Variants in MAGI1 observed in about 807,000 individuals in gnomAD.
MAGI1 encodes membrane associated guanylate kinase, WW and PDZ domain containing 1.
MAGI1 carries 58 observed loss-of-function variants against 139.9 expected under a neutral mutation model. The ratio of observed to expected loss-of-function variants is 0.41; its 90% CI spans 0.34 to 0.52. The LOEUF (loss-of-function observed/expected upper bound fraction) is 0.52. Among genes scored for constraint, MAGI1 ranks in the 20% least tolerant of loss-of-function variants. MAGI1 has a pLI of 0.12. For missense variants in MAGI1, 1,874 were observed against 1,901.6 expected (o/e 0.99, Z 0.27); for synonymous variants, 812 against 737.9 (o/e 1.10, Z -1.63).
intron 2 of MAGI1, among the ~76,000 whole-genome samples, chr3:65,525,192 TA>T: frequency 6.6e-6 from 1 of 152,228 alleles, no homozygotes; most frequent in East Asian, 1.9e-4. Flanking sequence ...CAGACACTAC[TA>T]TCCCACTGCA....
chr3:65,631,947 C>T (rs1303210427), intron 1 of MAGI1, among the ~76,000 whole-genome samples: 2 of 151,860 alleles, frequency 1.3e-5, no homozygotes, highest in African/African-American at 2.4e-5. Context: ...ATTGCTTGAA[C>T]CCAGGAGGCA....
chr3:65,941,310 G>A (rs1189355895), intron 1 of MAGI1, among the ~76,000 whole-genome samples: 1 of 151,306 alleles, frequency 6.6e-6, no homozygotes, highest in East Asian at 1.9e-4. Context: ...TTGAGCCACT[G>A]CACTCCAGCC....
In MAGI1 at chr3:65,924,722, C is replaced by T. The variant is rs575315406; in HGVS notation, c.313+113274G>A. 2.0e-5 allele frequency among the ~76,000 whole-genome samples: 3 copies of T among 152,252 alleles called. No homozygotes were observed. In the East Asian group the frequency reaches 5.8e-4, roughly 29 times the overall value. On this transcript the variant is annotated intron_variant, in intron 1 of 22. Coordinates refer to ENST00000402939, the MANE Select transcript of MAGI1 (RefSeq NM_001033057.2). Reference sequence around the variant, plus strand: ...AGGAAACCCCACATCCCACACTGCCCCTCGCTGCTCCATGCTTCAGTTTTC... The same window carrying T: ...AGGAAACCCCACATCCCACACTGCCTCTCGCTGCTCCATGCTTCAGTTTTC...
At chr3:65,708,643 G>A (rs1021276492) in intron 1 of MAGI1, among the ~76,000 whole-genome samples, 2 of 152,108 alleles carry the variant, frequency 1.3e-5, no homozygotes, top group Non-Finnish European at 2.9e-5. Flanking sequence ...GAGAAAAAAG[G>A]AAGGGAGGGA....
At chr3:65,954,213 G>T (rs1159868862) in intron 1 of MAGI1, among the ~76,000 whole-genome samples, 1 of 152,144 alleles carries the variant, frequency 6.6e-6, no homozygotes, top group Non-Finnish European at 1.5e-5. Flanking sequence ...AAGATTTTGG[G>T]TAATAACATT....
At chr3:65,493,440 T>C (rs1020979736) in intron 3 of MAGI1, 72 bp downstream of exon 3, 46 of 1,588,896 alleles carry the variant, frequency 2.9e-5, no homozygotes, top group Non-Finnish European at 3.8e-5. Context: ...AAAACATTTT[T>C]GCCTGGATGG....
At chr3:65,450,758 A>G (rs1031691946) in intron 6 of MAGI1, among the ~76,000 whole-genome samples, 14 of 152,332 alleles carry the variant, frequency 9.2e-5, no homozygotes, top group African/African-American at 3.4e-4. Context: ...CTGAGATAGG[A>G]AATAGAACAT....
chr3:65,707,017 G>A (rs746970904), intron 1 of MAGI1, among the ~76,000 whole-genome samples: 12 of 152,046 alleles, frequency 7.9e-5, no homozygotes, highest in East Asian at 1.9e-4. Context: ...CCACCGTCTC[G>A]GCATGGCAGT....
chr3:65,356,581 CCCTGCGCTCGGGCGAGCCCCCTCT>C lies in MAGI1; in HGVS notation c.4162_4185del (p.Arg1388_Arg1395del), dbSNP rs558263084. 1.8e-3 allele frequency: 2,956 copies of C among 1,604,810 alleles called. 11 individuals are homozygous for C. Among genetic ancestry groups the C allele is most frequent in the South Asian group, 4.9e-3 (447 of 90,680 alleles). The stretch of plus-strand genomic sequence containing the variant: ...GCGCGCCTCCGGTCGGTGGACTTGG[CCCTGCGCTCGGGCGAGCCCCCTCT>C]CCTGCGCTCGGGGGACCTCCTCTGC... On this transcript the variant is annotated inframe_deletion, in exon 23 of 23. Coordinates refer to ENST00000402939, the MANE Select transcript of MAGI1 (RefSeq NM_001033057.2).
In MAGI1 at chr3:65,527,910, A is replaced by G. The variant is rs1001032133; in HGVS notation, c.431-34279T>C. On this transcript the variant is annotated intron_variant, in intron 2 of 22. Transcript: ENST00000402939. ...CAATAGAGCAAGACTCCATCTCAGG[A>G]AAAAAAAAAAAAAGTTAATTATATT... Among the ~76,000 whole-genome samples the G allele has an allele frequency of 4.5e-5, 6 of 132,890 alleles. No homozygotes were observed. In the South Asian group the frequency reaches 6.7e-4, roughly 15 times the overall value. The allele number at this position is 132,890 out of a possible 152,430, so 87.2% of individuals were successfully genotyped here.
At chr3:65,930,513 C>T (rs2062760163) in intron 1 of MAGI1, among the ~76,000 whole-genome samples, 2 of 152,024 alleles carry the variant, frequency 1.3e-5, no homozygotes, top group African/African-American at 4.8e-5. Flanking sequence ...AGGCAGATCA[C>T]TTTGTCAGAG....
At chr3:65,737,873 C>G (rs2034912504) in intron 1 of MAGI1, among the ~76,000 whole-genome samples, 1 of 152,140 alleles carries the variant, frequency 6.6e-6, no homozygotes, top group Non-Finnish European at 1.5e-5. Flanking sequence ...ACAACACACA[C>G]ACACCTCTCT....
intron 2 of MAGI1, among the ~76,000 whole-genome samples, chr3:65,527,331 G>C (rs1213924448): frequency 6.6e-6 from 1 of 152,232 alleles, no homozygotes; most frequent in African/African-American, 2.4e-5. Context: ...TATAATCCCA[G>C]CACTTTGGGA....
chr3:65,596,609 C>T (rs1465414001), intron 2 of MAGI1, among the ~76,000 whole-genome samples: 1 of 152,154 alleles, frequency 6.6e-6, no homozygotes, highest in Non-Finnish European at 1.5e-5. Context: ...GTCTATATAC[C>T]AACACTGTGG....
At chr3:65,928,303 C>A (rs1417315505) in intron 1 of MAGI1, among the ~76,000 whole-genome samples, 1 of 152,202 alleles carries the variant, frequency 6.6e-6, no homozygotes, top group Non-Finnish European at 1.5e-5. Context: ...GCAAACACTA[C>A]AATCAGTGCT....
At chr3:65,828,983 C>T (rs2042377983) in intron 1 of MAGI1, among the ~76,000 whole-genome samples, 1 of 152,146 alleles carries the variant, frequency 6.6e-6, no homozygotes, top group Non-Finnish European at 1.5e-5. Context: ...AAAAGGGGAT[C>T]TTGGTACCAC....
In MAGI1 at chr3:65,859,313, C is replaced by T. The variant is rs557698102; in HGVS notation, c.313+178683G>A. 2.6e-5 allele frequency among the ~76,000 whole-genome samples: 4 copies of T among 151,896 alleles called. No individual in the cohort carries two copies. The South Asian group carries it at 6.2e-4, about 24-fold the overall frequency. On this transcript the variant is annotated intron_variant, in intron 1 of 22. Coordinates refer to ENST00000402939, the MANE Select transcript of MAGI1 (RefSeq NM_001033057.2). ...CGTCTACAAAAAAAAAAGAGCTAAACTTTATGGGAGGCCATTGTTTTAGCT... is the reference window on the plus strand; with the variant it reads ...CGTCTACAAAAAAAAAAGAGCTAAATTTTATGGGAGGCCATTGTTTTAGCT...
At chr3:65,418,622 A>G (rs1946408166) in intron 12 of MAGI1, among the ~76,000 whole-genome samples, 1 of 152,002 alleles carries the variant, frequency 6.6e-6, no homozygotes, top group African/African-American at 2.4e-5. Flanking sequence ...TTCTCCTCCA[A>G]TCATTACTTT....
intron 13 of MAGI1, among the ~76,000 whole-genome samples, chr3:65,399,441 G>A (rs375117104): frequency 3.3e-5 from 5 of 152,168 alleles, no homozygotes; most frequent in South Asian, 4.1e-4. Context: ...GCCCTTGGCC[G>A]ACAGCTCCCA....
Sources: allele counts gnomAD v4.1 joint callset (sites outside exome capture counted in the v4.1 genomes callset), GRCh38; gene constraint gnomAD v4.1.1; transcripts MANE v1.5; gene names NCBI Gene and HGNC (gene_info 2026-07-23, HGNC 2026-07-21).